MAVS: variants seen among roughly 807,000 people sequenced by gnomAD.
MAVS encodes the protein mitochondrial antiviral signaling protein, also known as mitochondrial antiviral-signaling protein.
Under a neutral mutation model 30.2 loss-of-function variants are expected in MAVS, and 20 were observed. That is an observed-to-expected ratio of 0.66 (90% CI 0.47 to 0.96). The LOEUF (loss-of-function observed/expected upper bound fraction) is 0.96, where lower values mean the gene tolerates loss of function less well. Ranked by LOEUF, MAVS falls within the 40% of genes least tolerant of loss-of-function variation. The pLI, the probability that MAVS is intolerant of heterozygous loss-of-function variation, is 0.00. For synonymous variants in MAVS, 278 were observed against 293.9 expected (o/e 0.95, Z 0.55); for missense variants, 624 against 701.1 (o/e 0.89, Z 1.24).
intron 2 of MAVS, among the ~76,000 whole-genome samples, chr20:3,855,171 G>A (rs771147727): frequency 1.5e-4 from 23 of 152,084 alleles, no homozygotes; most frequent in Non-Finnish European, 2.9e-4. Flanking sequence ...TTACAGGCGT[G>A]AGCCACCGCA....
intron 1 of MAVS, among the ~76,000 whole-genome samples, chr20:3,849,102 T>C (rs2089735432): frequency 6.6e-6 from 1 of 152,158 alleles, no homozygotes. Flanking sequence ...GTTCCCTGTT[T>C]CACTCCAACT....
In MAVS at chr20:3,875,466, GTTTT is replaced by G. The variant is rs2089984186; in HGVS notation, c.*9321_*9324del. 2 of 68,784 alleles carry G rather than the reference GTTTT, an allele frequency of 2.9e-5. No individual in the cohort carries two copies. The highest frequency in any genetic ancestry group is 3.1e-5 in the Non-Finnish European group (1 of 32,502). The allele number at this position is 68,784 out of a possible 1,614,324, so 4.3% of individuals were successfully genotyped here. A position where few individuals can be genotyped will look rare whatever the true frequency, so the allele number is the denominator to read the frequency against. The stretch of plus-strand genomic sequence containing the variant: ...ATCTTCCTTCTACTTCTTCAGTGCT[GTTTT>G]TATTTAAAAAAAAAAAAAACCAGCC... On this transcript the variant is annotated 3_prime_UTR_variant, in exon 7 of 7. Transcript: ENST00000428216.
rs375662718 is a variant in MAVS, at chr20:3,857,674, G to A, written c.157G>A (p.Asp53Asn). The A allele has an allele frequency of 2.2e-5, 35 of 1,614,048 alleles. No homozygotes were observed. The highest frequency in any genetic ancestry group is 3.0e-5 in the Non-Finnish European group (35 of 1,180,018). ...CACCTGCACACTCTCAGGGAACCGG[G>A]ACACCCTCTGGCATCTCTTCAATAC... ...RATCTLSGNR[D>N]TLWHLFNTLQ... Residue 53 changes from aspartate (D) to asparagine (N), a missense_variant, in exon 3 of 7, where the codon GAC (aspartate) becomes AAC (asparagine). Physicochemically the swap from Asp to Asn is conservative, Grantham distance 23. Coordinates refer to ENST00000428216, the MANE Select transcript of MAVS (RefSeq NM_020746.5).
chr20:3,847,445 C>T (rs902676532), intron 1 of MAVS, among the ~76,000 whole-genome samples: 2 of 152,214 alleles, frequency 1.3e-5, no homozygotes, highest in African/African-American at 4.8e-5. Context: ...GGGATGCACT[C>T]AGAGCCTCTG....
chr20:3,873,172 T>G lies in MAVS; in HGVS notation c.*7025T>G, dbSNP rs1379340904. 2.0e-5 allele frequency: 3 copies of G among 152,148 alleles called. No homozygotes were observed. Among genetic ancestry groups the G allele is most frequent in the Non-Finnish European group, 2.9e-5 (2 of 68,030 alleles). 9.4% of individuals were successfully genotyped at this position (152,148 alleles called of 1,614,324 possible). ...GGGAATCTAAGTCAGTGCTGTGTTG[T>G]GAATGTAGGTGTACCCTTTGAATTC... is the stretch of plus-strand genomic sequence containing the variant. On this transcript the variant is annotated 3_prime_UTR_variant, in exon 7 of 7. Transcript: ENST00000428216.
chr20:3,857,815 C>T lies in MAVS; in HGVS notation c.292+6C>T, dbSNP rs114219049. Reference sequence around the variant, plus strand: ...CTACCAGAGCTACCAGCCTCGTGAGCGTCCTGCCCTTGCCCTCCTGGACCC... The same window carrying T: ...CTACCAGAGCTACCAGCCTCGTGAGTGTCCTGCCCTTGCCCTCCTGGACCC... On this transcript the variant is annotated splice_donor_region_variant and intron_variant, in intron 3 of 6. Coordinates refer to ENST00000428216, the MANE Select transcript of MAVS (RefSeq NM_020746.5). 3.3e-3 allele frequency: 5,294 copies of T among 1,614,098 alleles called. 133 individuals carry two copies. The African/African-American group carries it at 0.057, about 17-fold the overall frequency.
At position 3,870,634 on chromosome 20, in the gene MAVS, T is replaced by TAAAAAAAAAAA. The variant is rs58186808; in HGVS notation, c.*4519_*4529dup. The TAAAAAAAAAAA allele has an allele frequency of 1.0e-4, 3 of 29,516 alleles. No individual in the cohort carries two copies. The highest frequency in any genetic ancestry group is 1.9e-4 in the African/African-American group (2 of 10,632). 1.8% of individuals were successfully genotyped at this position (29,516 alleles called of 1,614,324 possible). ...GGGCAACAAAGCAAGACCCTATCTC[T>TAAAAAAAAAAA]AAAAAAAAAAAAAAAAAAAAAAAAA... On this transcript the variant is annotated 3_prime_UTR_variant, in exon 7 of 7. Coordinates refer to ENST00000428216, the MANE Select transcript of MAVS (RefSeq NM_020746.5).
chr20:3,865,805 GGTAGACAGC>G lies in MAVS; in HGVS notation c.1282_1290del (p.Val428_Ser430del), dbSNP rs1340360338. On this transcript the variant is annotated inframe_deletion, in exon 7 of 7. Transcript: ENST00000428216. This position sits in a 1 kb window ranked among gnomAD's most constrained non-coding sequence, Gnocchi z 4.7. ...GTAAGCCTGGCGTGCTGGCATCCCAGGTAGACAGCCCGTTCTCGGGCTGCTTCGAGGATC... is the reference window on the plus strand; with the variant it reads ...GTAAGCCTGGCGTGCTGGCATCCCAGCCGTTCTCGGGCTGCTTCGAGGATC... 1 of 1,613,934 alleles carries G rather than the reference GGTAGACAGC, an allele frequency of 6.2e-7. No homozygotes were observed. The highest frequency in any genetic ancestry group is 1.7e-5 in the Admixed American group (1 of 60,018).
Position 3,862,339 on chromosome 20 carries a change from T to C in MAVS, c.551T>C (p.Leu184Pro). Residue 184 changes from leucine to proline, a missense_variant, in exon 5 of 7, where the codon CTG becomes CCG. Physicochemically the swap from Leu to Pro is moderately conservative, Grantham distance 98. Coordinates refer to ENST00000428216, the MANE Select transcript of MAVS (RefSeq NM_020746.5). ...DGGPLESSSDLAALSPLTSSG... is the reference protein window; with the variant it reads ...DGGPLESSSDPAALSPLTSSG... ...GGCCCCCTGGAGTCCTCCTCTGACCTGGCAGCCCTCAGCCCTCTGACCTCC... is the reference window on the plus strand; with the variant it reads ...GGCCCCCTGGAGTCCTCCTCTGACCCGGCAGCCCTCAGCCCTCTGACCTCC... 15 of 1,614,108 alleles carry C rather than the reference T, an allele frequency of 9.3e-6. No individual in the cohort carries two copies. The highest frequency in any genetic ancestry group is 1.3e-5 in the Non-Finnish European group (15 of 1,180,010).
At position 3,864,345 on chromosome 20, in the gene MAVS, C is replaced by CAAG. The variant is rs61675970; in HGVS notation, c.715_716insAAG (p.Arg239delinsGlnGly). ...GGCCCGTTCCACCCCCAGGGCAAGC[C>CAAG]GCTTGCCTGGACCCACAGGGTCAGT... is the stretch of plus-strand genomic sequence containing the variant. On this transcript the variant is annotated protein_altering_variant, in exon 6 of 7. Coordinates refer to ENST00000428216, the MANE Select transcript of MAVS (RefSeq NM_020746.5). 4,156 of 1,614,098 alleles carry CAAG rather than the reference C, an allele frequency of 2.6e-3. 80 individuals carry two copies. In the African/African-American group the frequency reaches 0.046, roughly 18 times the overall value.
intron 1 of MAVS, among the ~76,000 whole-genome samples, chr20:3,847,698 T>A (rs1014745346): frequency 1.3e-4 from 20 of 152,154 alleles, no homozygotes; most frequent in South Asian, 2.1e-4. Context: ...AAGTGCACCC[T>A]CAGCCTCCCT....
At chr20:3,854,776 G>A in intron 2 of MAVS, 35 bp downstream of exon 2, 1 of 1,478,042 alleles carries the variant, frequency 6.8e-7, no homozygotes, top group Non-Finnish European at 9.4e-7. Flanking sequence ...ACACTGGCCT[G>A]GGGGCAGGGC....
chr20:3,848,637 T>C (rs1351725027), intron 1 of MAVS, among the ~76,000 whole-genome samples: 1 of 152,222 alleles, frequency 6.6e-6, no homozygotes, highest in Non-Finnish European at 1.5e-5. Flanking sequence ...AGGTGCTGTC[T>C]GCTCTACAGC....
chr20:3,875,449 TCTA>T lies in MAVS; in HGVS notation c.*9305_*9307del, dbSNP rs1305582438. The T allele has an allele frequency of 6.9e-6, 1 of 144,438 alleles. No individual in the cohort carries two copies. Among genetic ancestry groups the T allele is most frequent in the Non-Finnish European group, 1.5e-5 (1 of 66,942 alleles). 8.9% of individuals were successfully genotyped at this position (144,438 alleles called of 1,614,324 possible). On this transcript the variant is annotated 3_prime_UTR_variant, in exon 7 of 7. Transcript: ENST00000428216. The stretch of plus-strand genomic sequence containing the variant: ...AAATAAAAACCCTGAATATCTTCCT[TCTA>T]CTTCTTCAGTGCTGTTTTTATTTAA...
At position 3,873,927 on chromosome 20, in the gene MAVS, A is replaced by G; in HGVS notation, c.*7780A>G. The G allele has an allele frequency of 2.5e-6, 1 of 394,248 alleles. No individual in the cohort carries two copies. 24.4% of individuals were successfully genotyped at this position (394,248 alleles called of 1,614,324 possible). A position where few individuals can be genotyped will look rare whatever the true frequency, so the allele number is the denominator to read the frequency against. On this transcript the variant is annotated 3_prime_UTR_variant, in exon 7 of 7. Transcript: ENST00000428216. ...CCACTCCTGGGTATGTACACCACAG[A>G]AAGCTATGTCCACCGAGACATTGGC...
At chr20:3,852,834 A>ATTTTT (rs57163061) in intron 1 of MAVS, among the ~76,000 whole-genome samples, 5 of 107,482 alleles carry the variant, frequency 4.7e-5, no homozygotes, top group African/African-American at 7.4e-5. Context: ...ATTCTGCAGA[A>ATTTTT]TTTTTTTTTT....
At position 3,854,664 on chromosome 20, in the gene MAVS, CGCAATTTCA is replaced by C. The variant is rs770162276; in HGVS notation, c.48_56del (p.Ser17_Phe19del). 1 of 1,613,884 alleles carries C rather than the reference CGCAATTTCA, an allele frequency of 6.2e-7. No individual in the cohort carries two copies. ...AGACAAGACCTATAAGTATATCTGCCGCAATTTCAGCAATTTTTGCAATGTGGATGTTGT... is the reference window on the plus strand; with the variant it reads ...AGACAAGACCTATAAGTATATCTGCCGCAATTTTTGCAATGTGGATGTTGT... On this transcript the variant is annotated inframe_deletion, in exon 2 of 7. Transcript: ENST00000428216.
At chr20:3,858,664 CAAAA>C (rs1286736257) in intron 3 of MAVS, among the ~76,000 whole-genome samples, 1 of 64,592 alleles carries the variant, frequency 1.5e-5, no homozygotes, top group Non-Finnish European at 3.2e-5. Flanking sequence ...GATTCCATCT[CAAAA>C]AAAAAAAAAA....
intron 2 of MAVS, among the ~76,000 whole-genome samples, chr20:3,856,031 C>T (rs2089806637): frequency 6.8e-6 from 1 of 146,174 alleles, no homozygotes; most frequent in South Asian, 2.1e-4. Flanking sequence ...CTTGCTCTGT[C>T]ACTCAGGCTG....
Sources: gnomAD v4.1 joint callset for allele counts (sites outside exome capture counted in the v4.1 genomes callset) on GRCh38, gnomAD v4.1.1 for gene constraint, Gnocchi (gnomAD v3.1) non-coding constraint, MANE v1.5 for transcripts, NCBI Gene and HGNC (gene_info 2026-07-23, HGNC 2026-07-21) for gene names.